Variants in GULP1 observed in about 807,000 individuals in gnomAD.
GULP1 encodes the protein PTB domain-containing engulfment adapter protein 1.
In GULP1, 19 loss-of-function variants were observed where a neutral mutation model predicts 40.9. The observed-to-expected ratio is 0.46, with a 90% CI of 0.32 to 0.68. The LOEUF is 0.68. Among genes scored for constraint, GULP1 ranks in the 30% least tolerant of loss-of-function variants. The pLI, the probability that GULP1 is intolerant of heterozygous loss-of-function variation, is 0.03. For missense variants in GULP1, 312 were observed against 362.2 expected (o/e 0.86, Z 1.12); for synonymous variants, 119 against 117.6 (o/e 1.01, Z -0.08).
intron 2 of GULP1, among the ~76,000 whole-genome samples, chr2:188,401,241 A>C (rs2052247133): frequency 6.6e-6 from 1 of 152,164 alleles, no homozygotes; most frequent in African/African-American, 2.4e-5. Flanking sequence ...TTTTAATAGC[A>C]TATGAAATAA....
chr2:188,485,235 G>A (rs1028115043), intron 4 of GULP1, among the ~76,000 whole-genome samples: 1 of 151,820 alleles, frequency 6.6e-6, no homozygotes, highest in African/African-American at 2.4e-5. Flanking sequence ...CTTTAACTCC[G>A]CCAATCATTC....
intron 9 of GULP1, among the ~76,000 whole-genome samples, chr2:188,581,893 A>G (rs1701401736): frequency 6.6e-6 from 1 of 152,162 alleles, no homozygotes; most frequent in African/African-American, 2.4e-5. Context: ...TAAATATAAA[A>G]TGTATGTTGT....
At chr2:188,583,702 T>C (rs994712406) in intron 9 of GULP1, among the ~76,000 whole-genome samples, 2 of 152,198 alleles carry the variant, frequency 1.3e-5, no homozygotes, top group Admixed American at 6.5e-5. Flanking sequence ...ATGAAATCTT[T>C]CAGGAGTAAA....
At chr2:188,303,645 G>A (rs969664234) in intron 1 of GULP1, among the ~76,000 whole-genome samples, 12 of 152,198 alleles carry the variant, frequency 7.9e-5, no homozygotes, top group African/African-American at 2.9e-4. Context: ...TGGAGATTGG[G>A]TTGGAGGGAA....
chr2:188,363,291 G>A (rs1389461254), intron 1 of GULP1, among the ~76,000 whole-genome samples: 2 of 152,164 alleles, frequency 1.3e-5, no homozygotes, highest in East Asian at 1.9e-4. Flanking sequence ...ATGGTTACTT[G>A]GTGTGTGGAT....
At chr2:188,494,034 A>G (rs1314883049) in intron 4 of GULP1, among the ~76,000 whole-genome samples, 4 of 152,070 alleles carry the variant, frequency 2.6e-5, no homozygotes, top group East Asian at 3.9e-4. Context: ...TAATGTGTTC[A>G]TGCCAGCCAG....
chr2:188,326,260 G>A (rs941937393), intron 1 of GULP1, among the ~76,000 whole-genome samples: 1 of 151,984 alleles, frequency 6.6e-6, no homozygotes, highest in East Asian at 1.9e-4. Context: ...AGCTTTAAGA[G>A]TTTAATGATA....
intron 7 of GULP1, among the ~76,000 whole-genome samples, chr2:188,568,485 A>T (rs1311141749): frequency 6.6e-6 from 1 of 152,224 alleles, no homozygotes; most frequent in Non-Finnish European, 1.5e-5. Flanking sequence ...GCAGTTTCAA[A>T]TCAATAGATC....
chr2:188,470,009 T>TA (rs1377700605), intron 2 of GULP1, among the ~76,000 whole-genome samples: 1 of 152,168 alleles, frequency 6.6e-6, no homozygotes, highest in African/African-American at 2.4e-5. Context: ...GATATTGGCT[T>TA]ATAGTTTTCT....
chr2:188,541,417 T>A, intron 7 of GULP1, 99 bp downstream of exon 7: 2 of 990,836 alleles, frequency 2.0e-6, no homozygotes, highest in Non-Finnish European at 3.3e-6. Flanking sequence ...TGAATAATTT[T>A]CTGTAAATTA....
chr2:188,409,797 T>C (rs1010184027), intron 2 of GULP1, among the ~76,000 whole-genome samples: 1 of 152,176 alleles, frequency 6.6e-6, no homozygotes, highest in Non-Finnish European at 1.5e-5. Flanking sequence ...TCAAGGATGA[T>C]TATTCAACAT....
chr2:188,515,130 AT>A (rs921210141), intron 4 of GULP1, among the ~76,000 whole-genome samples: 11 of 148,808 alleles, frequency 7.4e-5, no homozygotes, highest in East Asian at 2.0e-4. Flanking sequence ...CTGCCAAACC[AT>A]TTTTTTTTTC....
chr2:188,582,942 G>A (rs1701619859), intron 9 of GULP1, among the ~76,000 whole-genome samples: 2 of 152,166 alleles, frequency 1.3e-5, no homozygotes, highest in Admixed American at 6.5e-5. Flanking sequence ...TCTCTTTCAA[G>A]GAGCTTAGCC....
At chr2:188,462,871 TAAAC>T (rs758438507) in intron 2 of GULP1, among the ~76,000 whole-genome samples, 33 of 152,146 alleles carry the variant, frequency 2.2e-4, no homozygotes, top group African/African-American at 4.8e-4. Context: ...ATCATTTTCA[TAAAC>T]AAACAAACAA....
At chr2:188,591,017 T>C (rs1188145631) in intron 11 of GULP1, 2 of 152,056 alleles carry the variant, frequency 1.3e-5, no homozygotes, top group Admixed American at 1.3e-4. Flanking sequence ...AATACGGACA[T>C]ATAGTATCCA....
In GULP1 at chr2:188,507,597, A is replaced by G. The variant is rs541768763; in HGVS notation, c.91-15159A>G. On this transcript the variant is annotated intron_variant, in intron 4 of 11. Transcript: ENST00000409830. ...AGCATGCATCACTTTGAATGAAAACAATCAAATTAATCTCAGAATTGAGTC... is the reference window on the plus strand; with the variant it reads ...AGCATGCATCACTTTGAATGAAAACGATCAAATTAATCTCAGAATTGAGTC... Among the ~76,000 whole-genome samples, 13 of 152,052 alleles carry G rather than the reference A, an allele frequency of 8.5e-5. No homozygotes were observed. In the South Asian group the frequency reaches 2.7e-3, roughly 32 times the overall value.
At chr2:188,404,310 G>A (rs188628110) in intron 2 of GULP1, among the ~76,000 whole-genome samples, 38 of 152,262 alleles carry the variant, frequency 2.5e-4, no homozygotes, top group African/African-American at 7.7e-4. Context: ...ACCTTCAGAA[G>A]AGCTAAGGAA....
intron 6 of GULP1, among the ~76,000 whole-genome samples, chr2:188,529,571 T>C (rs1215326671): frequency 6.6e-6 from 1 of 152,182 alleles, no homozygotes; most frequent in Admixed American, 6.6e-5. Flanking sequence ...CCTGTAGATG[T>C]AATCAGTGTG....
intron 1 of GULP1, among the ~76,000 whole-genome samples, chr2:188,319,933 G>C (rs890341358): frequency 6.6e-6 from 1 of 152,094 alleles, no homozygotes; most frequent in Admixed American, 6.6e-5. Context: ...GGGTTTCCCA[G>C]TCTTGGCAAT....
Sources: allele counts gnomAD v4.1 joint callset (sites outside exome capture counted in the v4.1 genomes callset), GRCh38; gene constraint gnomAD v4.1.1; transcripts MANE v1.5; gene names NCBI Gene and HGNC (gene_info 2026-07-23, HGNC 2026-07-21).